Variants in HHAT observed in about 807,000 individuals in gnomAD.
HHAT encodes the protein protein-cysteine N-palmitoyltransferase HHAT.
A neutral mutation model predicts 70.8 loss-of-function variants in HHAT; 47 were observed. That is an observed-to-expected ratio of 0.66 (90% CI 0.53 to 0.85). The LOEUF is 0.85. Ranked by LOEUF, HHAT falls within the 40% of genes least tolerant of loss-of-function variation. The pLI, the probability that HHAT is intolerant of heterozygous loss-of-function variation, is 0.00. For synonymous variants in HHAT, 228 were observed against 247.6 expected (o/e 0.92, Z 0.74); for missense variants, 609 against 604.8 (o/e 1.01, Z -0.07).
chr1:210,588,003 C>T lies in HHAT; in HGVS notation c.1149C>T (p.Asp383=). The change falls in exon 10 of 12, where the codon GAC becomes GAT. Residue 383 remains aspartate, a synonymous_variant. Transcript: ENST00000261458. ...AFVSYWHGGY[D]YLWCWAALNW... ...TGAGCTACTGGCATGGCGGCTACGACTACCTCTGGTGCTGGGCAGCGCTCA... is the reference window on the plus strand; with the variant it reads ...TGAGCTACTGGCATGGCGGCTACGATTACCTCTGGTGCTGGGCAGCGCTCA... 6.2e-7 allele frequency: 1 copy of T among 1,614,136 alleles called. No homozygotes were observed. Among genetic ancestry groups the T allele is most frequent in the Non-Finnish European group, 8.5e-7 (1 of 1,180,028 alleles).
At chr1:210,435,623 C>G (rs6657514) in intron 7 of HHAT, among the ~76,000 whole-genome samples, 16,967 of 151,682 alleles carry the variant, frequency 0.11, 1,128 homozygotes, top group Non-Finnish European at 0.14. Context: ...TTTACATCTT[C>G]ACCAGCATCT....
rs74156141 is a variant in HHAT at position 210,362,996 on chromosome 1, C to T, written c.159+77C>T. The T allele has an allele frequency of 1.1e-3, 1,317 of 1,198,208 alleles. 9 individuals are homozygous for T. In the African/African-American group the frequency reaches 0.017, roughly 16 times the overall value. 74.2% of individuals were successfully genotyped at this position (1,198,208 alleles called of 1,614,324 possible). A position where few individuals can be genotyped will look rare whatever the true frequency, so the allele number is the denominator to read the frequency against. On this transcript the variant is annotated intron_variant, in intron 3 of 11. Transcript: ENST00000261458. ...TTCACATCACATTTGTATTTGGAGT[C>T]GATCCAGGTATCAGATTCAGCAGCA...
In HHAT at chr1:210,622,101, A is replaced by G. The variant is rs566213136; in HGVS notation, c.1246-1425A>G. 2.0e-3 allele frequency among the ~76,000 whole-genome samples: 308 copies of G among 152,302 alleles called. 1 individual carries two copies. Among genetic ancestry groups the G allele is most frequent in the African/African-American group, 7.1e-3 (296 of 41,558 alleles). On this transcript the variant is annotated intron_variant, in intron 10 of 11. Coordinates refer to ENST00000261458, the MANE Select transcript of HHAT (RefSeq NM_018194.6). ...CAGGAGATTCACAGTAGGGCCGCAT[A>G]ATAAGTAAGCCTCTTGCTGAAGACT...
intron 3 of HHAT, among the ~76,000 whole-genome samples, chr1:210,366,595 C>G (rs1179782599): frequency 1.3e-5 from 2 of 152,168 alleles, no homozygotes; most frequent in Non-Finnish European, 2.9e-5. Context: ...TGCACTCCAG[C>G]CTGGGTGTCA....
intron 10 of HHAT, among the ~76,000 whole-genome samples, chr1:210,596,146 A>G (rs1573600336): frequency 6.6e-6 from 1 of 152,202 alleles, no homozygotes; most frequent in Admixed American, 6.5e-5. Flanking sequence ...TAATGTTTCT[A>G]TAAGGTGTAA....
intron 8 of HHAT, among the ~76,000 whole-genome samples, chr1:210,497,122 A>C (rs2094661040): frequency 6.6e-6 from 1 of 152,318 alleles, no homozygotes; most frequent in Middle Eastern, 3.4e-3. Context: ...TTCTACCTGG[A>C]GATAAATGGG....
At chr1:210,661,332 A>G (rs1677664388) in intron 11 of HHAT, among the ~76,000 whole-genome samples, 1 of 152,222 alleles carries the variant, frequency 6.6e-6, no homozygotes, top group African/African-American at 2.4e-5. Flanking sequence ...ATCACAATGC[A>G]AATCAAAACC....
At chr1:210,340,710 A>AT (rs546837574) in intron 1 of HHAT, among the ~76,000 whole-genome samples, 16 of 152,152 alleles carry the variant, frequency 1.1e-4, no homozygotes, top group South Asian at 2.1e-4. Flanking sequence ...ATTGATTTAA[A>AT]TTTTTTTATC....
chr1:210,530,616 G>A (rs968554706), intron 9 of HHAT, among the ~76,000 whole-genome samples: 3 of 152,158 alleles, frequency 2.0e-5, no homozygotes, highest in Admixed American at 6.5e-5. Flanking sequence ...AAGGCCGGGA[G>A]AGATGGAGAA....
At chr1:210,602,462 C>A (rs192609638) in intron 10 of HHAT, among the ~76,000 whole-genome samples, 1 of 152,202 alleles carries the variant, frequency 6.6e-6, no homozygotes, top group African/African-American at 2.4e-5. Context: ...ACTAGCATTG[C>A]AGGCTGGGAG....
chr1:210,608,953 T>C (rs1445467243), intron 10 of HHAT, among the ~76,000 whole-genome samples: 1 of 152,070 alleles, frequency 6.6e-6, no homozygotes, highest in Non-Finnish European at 1.5e-5. Context: ...TTCACAAGGC[T>C]AAAAGAGGAA....
rs549141495 is a variant in HHAT at position 210,560,912 on chromosome 1, A to G, written c.1044-26986A>G. Among the ~76,000 whole-genome samples the G allele has an allele frequency of 2.4e-4, 35 of 148,126 alleles. No individual in the cohort carries two copies. In the East Asian group the frequency reaches 6.2e-3, roughly 26 times the overall value. On this transcript the variant is annotated intron_variant, in intron 9 of 11. Coordinates refer to ENST00000261458, the MANE Select transcript of HHAT (RefSeq NM_018194.6). Reference sequence around the variant, plus strand: ...TTCTTTTTGATTTTAAAGACCTTTCAGATTAAGAAATGTCAAGTCCTGAGC... The same window carrying G: ...TTCTTTTTGATTTTAAAGACCTTTCGGATTAAGAAATGTCAAGTCCTGAGC...
intron 11 of HHAT, among the ~76,000 whole-genome samples, chr1:210,668,077 G>A (rs1425661528): frequency 2.6e-5 from 4 of 152,014 alleles, no homozygotes; most frequent in African/African-American, 7.2e-5. Flanking sequence ...GTATTCTTTT[G>A]TGTCCGGCTT....
At chr1:210,386,568 G>A (rs527782032) in intron 3 of HHAT, among the ~76,000 whole-genome samples, 2 of 152,262 alleles carry the variant, frequency 1.3e-5, no homozygotes, top group East Asian at 3.9e-4. Flanking sequence ...CACACATTTT[G>A]CTTAGAAAAT....
chr1:210,453,503 AC>A (rs1483834909), intron 7 of HHAT, among the ~76,000 whole-genome samples: 3 of 151,944 alleles, frequency 2.0e-5, no homozygotes, highest in Non-Finnish European at 4.4e-5. Flanking sequence ...TATTTAAAAT[AC>A]CCCCTATTCC....
intron 3 of HHAT, among the ~76,000 whole-genome samples, chr1:210,382,540 C>T (rs1345556491): frequency 6.6e-6 from 1 of 152,160 alleles, no homozygotes; most frequent in Admixed American, 6.5e-5. Flanking sequence ...AAGGTTCTTG[C>T]TCTCAGAGAG....
At chr1:210,650,488 C>T (rs1214057527) in intron 11 of HHAT, among the ~76,000 whole-genome samples, 6 of 151,958 alleles carry the variant, frequency 3.9e-5, no homozygotes, top group Non-Finnish European at 8.8e-5. Flanking sequence ...AAAGGTCACC[C>T]TTAAAAAGGG....
At chr1:210,460,083 A>T (rs2093949107) in intron 7 of HHAT, among the ~76,000 whole-genome samples, 2 of 152,188 alleles carry the variant, frequency 1.3e-5, no homozygotes, top group South Asian at 2.1e-4. Flanking sequence ...TTATATGACA[A>T]CTGGGTTCTA....
intron 3 of HHAT, among the ~76,000 whole-genome samples, chr1:210,375,839 T>TG (rs1318115514): frequency 1.3e-5 from 2 of 149,566 alleles, no homozygotes; most frequent in East Asian, 3.9e-4. Context: ...TGATTTTTAT[T>TG]GACCTATCCT....
Sources: gnomAD v4.1 joint callset for allele counts (sites outside exome capture counted in the v4.1 genomes callset) on GRCh38, gnomAD v4.1.1 for gene constraint, MANE v1.5 for transcripts, NCBI Gene and HGNC (gene_info 2026-07-23, HGNC 2026-07-21) for gene names.